The following WDR41 variants were observed in gnomAD, a reference collection of about 807,000 sequenced individuals.
WDR41 encodes the protein WD repeat-containing protein 41.
A neutral mutation model predicts 69.3 loss-of-function variants in WDR41; 63 were observed. The observed-to-expected ratio is 0.91, with a 90% CI of 0.74 to 1.12. The LOEUF (loss-of-function observed/expected upper bound fraction) is 1.12, where lower values mean the gene tolerates loss of function less well. Among genes scored for constraint, WDR41 ranks in the 50% most tolerant of loss-of-function variants. WDR41 has a pLI of 0.00. For missense variants in WDR41, 543 were observed against 534.5 expected, an observed-to-expected ratio of 1.02 and a Z score of -0.16; for synonymous variants, 185 against 192.1, an observed-to-expected ratio of 0.96 and a Z score of 0.31.
rs1270994954 is a variant in WDR41 at position 77,432,141 on chromosome 5, A to C, written c.*994T>G. On this transcript the variant is annotated 3_prime_UTR_variant, in exon 13 of 13. Transcript: ENST00000296679. ...TGTAGTATATTTGTATAATGAACAA[A>C]TAAATCTGTAGGTTTTCTGTAAGAA... 6.6e-6 allele frequency: 1 copy of C among 152,212 alleles called. No homozygotes were observed. Among genetic ancestry groups the C allele is most frequent in the Non-Finnish European group, 1.5e-5 (1 of 68,030 alleles). 9.4% of individuals were successfully genotyped at this position (152,212 alleles called of 1,614,324 possible). A position where few individuals can be genotyped will look rare whatever the true frequency, so the allele number is the denominator to read the frequency against.
chr5:77,519,862 G>T (rs1359804348), intron 1 of WDR41, among the ~76,000 whole-genome samples: 3 of 150,218 alleles, frequency 2.0e-5, no homozygotes, highest in African/African-American at 7.4e-5. Flanking sequence ...ATTAATCTAA[G>T]CCCTTGGATT....
chr5:77,532,935 G>T (rs1742884365), intron 1 of WDR41, among the ~76,000 whole-genome samples: 1 of 151,882 alleles, frequency 6.6e-6, no homozygotes, highest in Non-Finnish European at 1.5e-5. Context: ...TTCTTTACTG[G>T]GATGCCTAAA....
At chr5:77,457,738 G>T (rs1799889183) in intron 5 of WDR41, among the ~76,000 whole-genome samples, 1 of 151,010 alleles carries the variant, frequency 6.6e-6, no homozygotes, top group Non-Finnish European at 1.5e-5. Context: ...TCATATTAGG[G>T]ATATAAATTT....
At chr5:77,449,240 C>T (rs542127971) in intron 8 of WDR41, among the ~76,000 whole-genome samples, 1 of 93,434 alleles carries the variant, frequency 1.1e-5, no homozygotes, top group African/African-American at 7.4e-5. Flanking sequence ...ACCCCCACCA[C>T]GAGGAAGGAA....
At chr5:77,477,241 C>T (rs1211458604) in intron 2 of WDR41, among the ~76,000 whole-genome samples, 3 of 150,650 alleles carry the variant, frequency 2.0e-5, no homozygotes, top group African/African-American at 5.0e-5. Flanking sequence ...TTTAACACCC[C>T]ACTGTCAACA....
intron 1 of WDR41, among the ~76,000 whole-genome samples, chr5:77,599,392 GT>G (rs1561235694): frequency 1.3e-5 from 2 of 151,846 alleles, no homozygotes; most frequent in Non-Finnish European, 2.9e-5. Flanking sequence ...TAGAGACGGG[GT>G]TTCACCATTT....
intron 1 of WDR41, among the ~76,000 whole-genome samples, chr5:77,511,890 C>T (rs554830660): frequency 2.0e-5 from 3 of 151,964 alleles, no homozygotes; most frequent in South Asian, 2.1e-4. Context: ...ATTACTACTA[C>T]GGATGAGCAC....
Position 77,438,248 on chromosome 5 carries a change from A to T in WDR41, c.996T>A (p.Leu332=). ...CAGATGGGAACTTGTACCTGTTTGGAAGTCTGGCAACGTGCAGGACATTGG... is the reference window on the plus strand; with the variant it reads ...CAGATGGGAACTTGTACCTGTTTGGTAGTCTGGCAACGTGCAGGACATTGG... ...HDSNVLHVAR[L]PNRQLISCSE... The change falls in exon 10 of 13, where the codon CTT becomes CTA. Residue 332 remains leucine, a synonymous_variant. Transcript: ENST00000296679. 6.2e-7 allele frequency: 1 copy of T among 1,614,010 alleles called. No homozygotes were observed. The highest frequency in any genetic ancestry group is 1.1e-5 in the South Asian group (1 of 91,078).
intron 1 of WDR41, among the ~76,000 whole-genome samples, chr5:77,604,542 G>C (rs1233757765): frequency 6.6e-6 from 1 of 152,168 alleles, no homozygotes; most frequent in Non-Finnish European, 1.5e-5. Context: ...ACTTGTGGAG[G>C]ACGTTTTGTC....
chr5:77,456,075 T>G (rs1799820994), intron 5 of WDR41, among the ~76,000 whole-genome samples: 1 of 152,170 alleles, frequency 6.6e-6, no homozygotes, highest in Non-Finnish European at 1.5e-5. Context: ...ATAACAATAG[T>G]AAATCTGATC....
chr5:77,471,571 G>A (rs182578449), intron 2 of WDR41, among the ~76,000 whole-genome samples: 10,980 of 151,864 alleles, frequency 0.072, 548 homozygotes, highest in Non-Finnish European at 0.1. Context: ...TCAAATAGAC[G>A]CAATAAAAAA....
rs1471035301 is a variant in WDR41, at chr5:77,431,598, A to G, written c.*1537T>C. On this transcript the variant is annotated 3_prime_UTR_variant, in exon 13 of 13. Transcript: ENST00000296679. Reference sequence around the variant, plus strand: ...GGTACTTACGGTACCATTTGCTTCCAAAATTCATGTGATTTCTACCACTCC... The same window carrying G: ...GGTACTTACGGTACCATTTGCTTCCGAAATTCATGTGATTTCTACCACTCC... 1 of 152,210 alleles carries G rather than the reference A, an allele frequency of 6.6e-6. No individual in the cohort carries two copies. Among genetic ancestry groups the G allele is most frequent in the African/African-American group, 2.4e-5 (1 of 41,458 alleles). The allele number at this position is 152,210 out of a possible 1,614,324, so 9.4% of individuals were successfully genotyped here.
chr5:77,431,400 A>AT lies in WDR41; in HGVS notation c.*1734dup, dbSNP rs1320322424. On this transcript the variant is annotated 3_prime_UTR_variant, in exon 13 of 13. Transcript: ENST00000296679. Reference sequence around the variant, plus strand: ...AATAAAGTATTCTTAAGGTATGTACATTTTTTAGAAATTTAAGACTGTAGT... The same window carrying AT: ...AATAAAGTATTCTTAAGGTATGTACATTTTTTTAGAAATTTAAGACTGTAGT... The AT allele has an allele frequency of 1.3e-5, 2 of 152,176 alleles. No homozygotes were observed. The highest frequency in any genetic ancestry group is 2.1e-4 in the South Asian group (1 of 4,832). The allele number at this position is 152,176 out of a possible 1,614,324, so 9.4% of individuals were successfully genotyped here.
intron 1 of WDR41, among the ~76,000 whole-genome samples, chr5:77,514,197 CA>C (rs1436273731): frequency 6.6e-6 from 1 of 152,030 alleles, no homozygotes; most frequent in Non-Finnish European, 1.5e-5. Context: ...GTATTCCTAC[CA>C]GTCTTTTTTT....
chr5:77,444,746 C>T (rs1012458424), intron 8 of WDR41, among the ~76,000 whole-genome samples: 2 of 152,194 alleles, frequency 1.3e-5, no homozygotes, highest in Admixed American at 6.5e-5. Context: ...TCATGGCTAA[C>T]GTGCCTATGT....
chr5:77,614,936 G>A (rs913679257), intron 1 of WDR41, among the ~76,000 whole-genome samples: 2 of 151,984 alleles, frequency 1.3e-5, no homozygotes, highest in Admixed American at 1.3e-4. Flanking sequence ...AGGAGGAAGA[G>A]GGAAGAGAGA....
Position 77,573,667 on chromosome 5 carries a change from C to T in WDR41, c.42+46812G>A, listed in dbSNP as rs116765375. On this transcript the variant is annotated intron_variant, in intron 1 of 5. Coordinates refer to the WDR41 transcript ENST00000509971. ...GCATCAGCTTCAAAGCTCAGAAGTG[C>T]CCCCCAGATTTATAGAAAGGGGGAG... Among the ~76,000 whole-genome samples the T allele has an allele frequency of 5.0e-3, 764 of 152,128 alleles. 4 individuals are homozygous for T. The highest frequency in any genetic ancestry group is 0.017 in the African/African-American group (706 of 41,496).
At position 77,465,016 on chromosome 5, in the gene WDR41, T is replaced by G. The variant is rs554606308; in HGVS notation, c.168-207A>C. Among the ~76,000 whole-genome samples the G allele has an allele frequency of 9.2e-5, 14 of 152,274 alleles. No homozygotes were observed. The East Asian group carries it at 2.3e-3, about 25-fold the overall frequency. On this transcript the variant is annotated intron_variant, in intron 2 of 12. Transcript: ENST00000296679. ...AAAAGATAAATAAGACATTTATAAGTTTACAAAGAATAAACTGCTAGAAAT... is the reference window on the plus strand; with the variant it reads ...AAAAGATAAATAAGACATTTATAAGGTTACAAAGAATAAACTGCTAGAAAT...
intron 1 of WDR41, among the ~76,000 whole-genome samples, chr5:77,614,644 T>G (rs1744639885): frequency 4.1e-5 from 2 of 48,802 alleles, no homozygotes; most frequent in South Asian, 8.4e-4. Context: ...TGGGGACTGT[T>G]GTGGGGTGGG....
Sources: gnomAD v4.1 joint callset for allele counts (sites outside exome capture counted in the v4.1 genomes callset) on GRCh38, gnomAD v4.1.1 for gene constraint, MANE v1.5 for transcripts, NCBI Gene and HGNC (gene_info 2026-07-23, HGNC 2026-07-21) for gene names.